SOX6: variants seen among roughly 807,000 people sequenced by gnomAD.
SOX6 encodes transcription factor SOX-6.
SOX6 carries 11 observed loss-of-function variants against 97.8 expected under a neutral mutation model. That is an observed-to-expected ratio of 0.11 (90% CI 0.07 to 0.19). SOX6 has a LOEUF of 0.19. Ranked by LOEUF, SOX6 falls within the 10% of genes least tolerant of loss-of-function variation. The pLI is 1.00. For synonymous variants in SOX6, 360 were observed against 371.4 expected (o/e 0.97, Z 0.35); for missense variants, 810 against 1,039.5 (o/e 0.78, Z 3.04).
intron 3 of SOX6, among the ~76,000 whole-genome samples, chr11:16,703,119 C>T (rs1248469318): frequency 6.6e-6 from 1 of 151,758 alleles, no homozygotes; most frequent in Admixed American, 6.6e-5. Flanking sequence ...TAATAAGTTA[C>T]ATAGTATATG....
chr11:16,410,817 G>A (rs975070896), intron 1 of SOX6, among the ~76,000 whole-genome samples: 26 of 149,532 alleles, frequency 1.7e-4, no homozygotes, highest in Admixed American at 1.7e-3. Flanking sequence ...GAAATAAGCA[G>A]GTAAAAATGA....
chr11:16,595,202 C>T (rs758729968), intron 4 of SOX6, among the ~76,000 whole-genome samples: 25 of 151,540 alleles, frequency 1.6e-4, no homozygotes, highest in Non-Finnish European at 2.8e-4. Context: ...TTTTTTCATG[C>T]CATTACCAAC....
chr11:16,133,607 G>A (rs762774416), intron 6 of SOX6, among the ~76,000 whole-genome samples: 2 of 152,214 alleles, frequency 1.3e-5, no homozygotes, highest in East Asian at 3.9e-4. Flanking sequence ...CCTAAGGACA[G>A]ATACTAATCT....
chr11:16,505,990 A>G (rs1485770531), intron 4 of SOX6, among the ~76,000 whole-genome samples: 1 of 152,150 alleles, frequency 6.6e-6, no homozygotes, highest in African/African-American at 2.4e-5. Flanking sequence ...TTCATGGAGA[A>G]CCTCTACTAG....
At chr11:16,058,110 C>A (rs990132913) in intron 9 of SOX6, among the ~76,000 whole-genome samples, 9 of 151,904 alleles carry the variant, frequency 5.9e-5, no homozygotes, top group Admixed American at 2.6e-4. Flanking sequence ...TCCTTATTAA[C>A]CCTCTATTTT....
intron 1 of SOX6, among the ~76,000 whole-genome samples, chr11:16,390,640 G>A (rs1469986126): frequency 6.6e-6 from 1 of 152,102 alleles, no homozygotes; most frequent in Non-Finnish European, 1.5e-5. Context: ...AGCCTTTAAT[G>A]TTTGATCTCA....
chr11:16,449,277 C>CTTTT (rs10611823), intron 1 of SOX6, among the ~76,000 whole-genome samples: 1,095 of 62,990 alleles, frequency 0.017, 153 homozygotes, highest in African/African-American at 0.04. Flanking sequence ...AATGCTCCTT[C>CTTTT]TTTTTTTTTT....
chr11:16,580,771 C>T (rs1186421567), intron 4 of SOX6, among the ~76,000 whole-genome samples: 4 of 152,050 alleles, frequency 2.6e-5, no homozygotes, highest in Admixed American at 6.6e-5. Flanking sequence ...ACAACCCCAT[C>T]AAAAAGTGGG....
Position 16,334,618 on chromosome 11 carries a change from G to A in SOX6, c.237+6394C>T, listed in dbSNP as rs540892683. ...AATTTTTGTATTTTTAGTAGAGATG[G>A]GGTTTCACCATGTTGGCCAAGCTGG... On this transcript the variant is annotated intron_variant, in intron 2 of 15. Coordinates refer to ENST00000683767, the MANE Select transcript of SOX6 (RefSeq NM_001367873.1). Among the ~76,000 whole-genome samples, 40 of 151,982 alleles carry A rather than the reference G, an allele frequency of 2.6e-4. 3 individuals carry two copies. In the East Asian group the frequency reaches 6.6e-3, roughly 25 times the overall value.
chr11:16,252,762 C>G (rs1016530822), intron 3 of SOX6, among the ~76,000 whole-genome samples: 2 of 152,148 alleles, frequency 1.3e-5, no homozygotes, highest in African/African-American at 4.8e-5. Context: ...CCAACCCCCT[C>G]AAGCCTTCCA....
intron 1 of SOX6, among the ~76,000 whole-genome samples, chr11:16,443,800 G>A (rs1859557508): frequency 6.6e-6 from 1 of 151,996 alleles, no homozygotes. Flanking sequence ...AGATCATGAG[G>A]TCAAGAGATC....
intron 9 of SOX6, among the ~76,000 whole-genome samples, chr11:16,066,899 T>C (rs1236112679): frequency 1.3e-5 from 2 of 152,152 alleles, no homozygotes; most frequent in South Asian, 2.1e-4. Flanking sequence ...CAGTTTGACC[T>C]AGATGTGGGA....
chr11:15,984,180 T>G (rs1672716914), intron 15 of SOX6, among the ~76,000 whole-genome samples: 2 of 152,202 alleles, frequency 1.3e-5, no homozygotes, highest in Non-Finnish European at 2.9e-5. Flanking sequence ...ATAATAGATG[T>G]TATTAAATTG....
intron 4 of SOX6, among the ~76,000 whole-genome samples, chr11:16,535,437 C>T (rs1861293217): frequency 6.6e-6 from 1 of 152,076 alleles, no homozygotes. Context: ...CTTTGGGAGG[C>T]CAAGGTGGGC....
chr11:16,278,476 C>A (rs1053975842), intron 3 of SOX6, among the ~76,000 whole-genome samples: 7 of 152,056 alleles, frequency 4.6e-5, no homozygotes, highest in African/African-American at 1.7e-4. Context: ...AAACTATACA[C>A]TAGAAAATAT....
At chr11:16,608,010 C>G (rs1488973979) in intron 4 of SOX6, among the ~76,000 whole-genome samples, 1 of 151,522 alleles carries the variant, frequency 6.6e-6, no homozygotes, top group African/African-American at 2.4e-5. Context: ...TGGAAAGAGA[C>G]GGTGAAGCAA....
intron 1 of SOX6, among the ~76,000 whole-genome samples, chr11:16,376,386 TAA>T (rs1857643228): frequency 1.3e-5 from 2 of 152,078 alleles, no homozygotes; most frequent in South Asian, 2.1e-4. Context: ...GCATCCAGAA[TAA>T]AAAGATGCTA....
At chr11:16,368,705 C>T (rs1007235104) in intron 1 of SOX6, among the ~76,000 whole-genome samples, 5 of 151,820 alleles carry the variant, frequency 3.3e-5, no homozygotes, top group African/African-American at 1.2e-4. Flanking sequence ...AAATATGACA[C>T]AAGCAACAAA....
chr11:16,046,488 C>T (rs1286697170), intron 12 of SOX6, 26 bp downstream of exon 12: 1 of 1,611,074 alleles, frequency 6.2e-7, no homozygotes, highest in Non-Finnish European at 8.5e-7. Flanking sequence ...TCTAGCAGAT[C>T]CAGTGACACA....
Sources: allele counts gnomAD v4.1 joint callset (sites outside exome capture counted in the v4.1 genomes callset), GRCh38; gene constraint gnomAD v4.1.1; transcripts MANE v1.5; gene names NCBI Gene and HGNC (gene_info 2026-07-23, HGNC 2026-07-21).